ADAMTSL1: variants seen among roughly 807,000 people sequenced by gnomAD.
The protein encoded by ADAMTSL1 is ADAMTS like 1.
ADAMTSL1 carries 126 observed loss-of-function variants against 201.8 expected under a neutral mutation model. That is an observed-to-expected ratio of 0.62 (90% confidence interval 0.54 to 0.72). The LOEUF is 0.72. Among genes scored for constraint, ADAMTSL1 ranks in the 30% least tolerant of loss-of-function variants. The pLI is 0.00. For missense variants in ADAMTSL1, 2,679 were observed against 2,277.8 expected, an observed-to-expected ratio of 1.18 and a Z score of -3.59; for synonymous variants, 1,121 against 903.4, an observed-to-expected ratio of 1.24 and a Z score of -4.32.
chr9:18,890,467 G>T, intron 25 of ADAMTSL1: 1 of 455,754 alleles, frequency 2.2e-6, no homozygotes, highest in Admixed American at 2.3e-5. Flanking sequence ...AGCCTGGGGG[G>T]ATGTGGCTCA....
chr9:18,797,562 C>T (rs1403080069), intron 20 of ADAMTSL1, among the ~76,000 whole-genome samples: 1 of 151,882 alleles, frequency 6.6e-6, no homozygotes, highest in Non-Finnish European at 1.5e-5. Context: ...CATGGAGACC[C>T]TGCTTAGTAG....
intron 1 of ADAMTSL1, among the ~76,000 whole-genome samples, chr9:18,029,559 A>G (rs1414452709): frequency 6.6e-6 from 1 of 152,194 alleles, no homozygotes; most frequent in Non-Finnish European, 1.5e-5. Flanking sequence ...GATCTCATTA[A>G]ACTAAAGAGC....
At chr9:18,766,402 T>C (rs1027370929) in intron 16 of ADAMTSL1, among the ~76,000 whole-genome samples, 1 of 152,158 alleles carries the variant, frequency 6.6e-6, no homozygotes, top group Non-Finnish European at 1.5e-5. Flanking sequence ...ACGTCACTCT[T>C]GCTATGGTGT....
At chr9:18,278,530 T>C (rs1406032336) in intron 2 of ADAMTSL1, among the ~76,000 whole-genome samples, 1 of 152,206 alleles carries the variant, frequency 6.6e-6, no homozygotes, top group Non-Finnish European at 1.5e-5. Context: ...GATAGTCTTA[T>C]GGAGAGTCCC....
intron 2 of ADAMTSL1, among the ~76,000 whole-genome samples, chr9:18,372,384 C>T (rs1249154980): frequency 6.6e-6 from 1 of 152,142 alleles, no homozygotes; most frequent in African/African-American, 2.4e-5. Context: ...CAGCACTTTG[C>T]AGTTTACAAA....
At chr9:18,307,894 TC>T (rs1833971046) in intron 2 of ADAMTSL1, among the ~76,000 whole-genome samples, 1 of 152,130 alleles carries the variant, frequency 6.6e-6, no homozygotes, top group South Asian at 2.1e-4. Flanking sequence ...GAATATACAT[TC>T]TTTTCAGCAC....
intron 3 of ADAMTSL1, among the ~76,000 whole-genome samples, chr9:18,554,378 C>G (rs964808548): frequency 5.3e-5 from 8 of 151,662 alleles, no homozygotes; most frequent in African/African-American, 1.9e-4. Flanking sequence ...TCCTTATATG[C>G]TTTCATGATT....
intron 2 of ADAMTSL1, among the ~76,000 whole-genome samples, chr9:18,331,870 A>G (rs1041105601): frequency 6.6e-6 from 1 of 152,206 alleles, no homozygotes; most frequent in African/African-American, 2.4e-5. Flanking sequence ...GCAGTATCTT[A>G]TATCACTTTT....
intron 1 of ADAMTSL1, among the ~76,000 whole-genome samples, chr9:18,032,683 GC>G (rs1296041213): frequency 6.6e-6 from 1 of 152,158 alleles, no homozygotes; most frequent in East Asian, 1.9e-4. Context: ...AAGCTTCTGG[GC>G]TCCGCACAAG....
chr9:18,728,553 A>C (rs1818037598), intron 15 of ADAMTSL1, among the ~76,000 whole-genome samples: 1 of 152,166 alleles, frequency 6.6e-6, no homozygotes, highest in African/African-American at 2.4e-5. Flanking sequence ...ACCCTGTCCT[A>C]AAGGAGTTAC....
At chr9:18,465,705 A>G (rs1227805537) in intron 2 of ADAMTSL1, among the ~76,000 whole-genome samples, 1 of 152,136 alleles carries the variant, frequency 6.6e-6, no homozygotes, top group Non-Finnish European at 1.5e-5. Context: ...AAGAATAGAT[A>G]TGGATGGCTA....
At chr9:18,313,788 T>G (rs1834245859) in intron 2 of ADAMTSL1, among the ~76,000 whole-genome samples, 1 of 152,170 alleles carries the variant, frequency 6.6e-6, no homozygotes, top group Non-Finnish European at 1.5e-5. Context: ...AACAACTTGT[T>G]TGGTATGACT....
At chr9:18,533,838 A>G (rs890419984) in intron 3 of ADAMTSL1, among the ~76,000 whole-genome samples, 1 of 152,210 alleles carries the variant, frequency 6.6e-6, no homozygotes, top group Non-Finnish European at 1.5e-5. Context: ...CACAAATGCC[A>G]TAGGAAATAA....
intron 1 of ADAMTSL1, among the ~76,000 whole-genome samples, chr9:18,086,845 AT>A (rs1489386126): frequency 6.6e-6 from 1 of 152,140 alleles, no homozygotes; most frequent in Non-Finnish European, 1.5e-5. Flanking sequence ...TTAGCTTCGT[AT>A]TTTTTTATTT....
At chr9:18,099,346 TA>T (rs1563999633) in intron 1 of ADAMTSL1, among the ~76,000 whole-genome samples, 33 of 49,498 alleles carry the variant, frequency 6.7e-4, no homozygotes, top group Non-Finnish European at 7.6e-4. Context: ...TATATATATA[TA>T]TATATATATT....
intron 1 of ADAMTSL1, among the ~76,000 whole-genome samples, chr9:18,041,271 G>GT (rs1017610997): frequency 2.0e-5 from 3 of 152,132 alleles, no homozygotes; most frequent in African/African-American, 4.8e-5. Flanking sequence ...ATTTATTTTA[G>GT]TTTTTTTGTG....
intron 5 of ADAMTSL1, among the ~76,000 whole-genome samples, chr9:18,622,981 C>T (rs1013644087): frequency 2.6e-5 from 4 of 152,154 alleles, no homozygotes; most frequent in South Asian, 2.1e-4. Flanking sequence ...CTGCAACCTC[C>T]GCTTCCCGGG....
Position 18,520,550 on chromosome 9 carries a change from C to T in ADAMTSL1, c.192-12697C>T, listed in dbSNP as rs140397168. Among the ~76,000 whole-genome samples the T allele has an allele frequency of 1.5e-4, 23 of 152,344 alleles. 1 individual carries two copies. Among genetic ancestry groups the T allele is most frequent in the Middle Eastern group, 3.4e-3 (1 of 294 alleles). ...TTTCAATCTGGACCTTCACTCTCCT[C>T]TGATCAGTTTAAAATTGCTTTGAGA... On this transcript the variant is annotated intron_variant, in intron 2 of 28. Transcript: ENST00000380548.
chr9:18,731,440 G>A (rs568623697), intron 15 of ADAMTSL1, among the ~76,000 whole-genome samples: 2 of 152,140 alleles, frequency 1.3e-5, no homozygotes, highest in African/African-American at 4.8e-5. Flanking sequence ...AGACCAGCCT[G>A]GACAACATTG....
Sources: gnomAD v4.1 joint callset for allele counts (sites outside exome capture counted in the v4.1 genomes callset) on GRCh38, gnomAD v4.1.1 for gene constraint, MANE v1.5 for transcripts, NCBI Gene and HGNC (gene_info 2026-07-23, HGNC 2026-07-21) for gene names.